The following ARHGAP44 variants were observed in gnomAD, a reference collection of about 807,000 sequenced individuals.
ARHGAP44 encodes the protein Rho GTPase activating protein 44, also known as rho GTPase-activating protein 44.
Under a neutral mutation model 106.8 loss-of-function variants are expected in ARHGAP44, and 43 were observed. The ratio of observed to expected loss-of-function variants is 0.40; its 90% CI spans 0.32 to 0.52. ARHGAP44 has a LOEUF of 0.52. Ranked by LOEUF, ARHGAP44 falls within the 20% of genes least tolerant of loss-of-function variation. ARHGAP44 has a pLI of 0.48. For missense variants in ARHGAP44, 866 were observed against 1,050.5 expected (o/e 0.82, Z 2.43); for synonymous variants, 439 against 410.3 (o/e 1.07, Z -0.85).
At chr17:12,974,048 TGTTACGC>T (rs1215501798) in intron 17 of ARHGAP44, 34 bp from the exon 18 acceptor site, 1 of 1,538,652 alleles carries the variant, frequency 6.5e-7, no homozygotes, top group East Asian at 2.5e-5. Context: ...TCCTGTCATC[TGTTACGC>T]GTGGGTAAGC....
chr17:12,856,516 A>G (rs868620221), intron 1 of ARHGAP44, among the ~76,000 whole-genome samples: 10 of 152,218 alleles, frequency 6.6e-5, no homozygotes, highest in African/African-American at 2.4e-4. Context: ...CAATTGTGAA[A>G]TAAGGGAAGT....
intron 1 of ARHGAP44, among the ~76,000 whole-genome samples, chr17:12,805,356 G>T (rs2034240881): frequency 6.6e-6 from 1 of 152,162 alleles, no homozygotes; most frequent in Admixed American, 6.5e-5. Flanking sequence ...GCATAAGCAG[G>T]TCTTTATCAA....
intron 1 of ARHGAP44, among the ~76,000 whole-genome samples, chr17:12,870,321 TAC>T (rs1310992448): frequency 2.0e-5 from 3 of 152,096 alleles, no homozygotes; most frequent in Non-Finnish European, 4.4e-5. Context: ...GGATTACAGG[TAC>T]AAGCCACTGT....
Position 12,949,863 on chromosome 17 carries a change from C to T in ARHGAP44, c.1055+133C>T. The T allele has an allele frequency of 1.2e-6, 1 of 852,228 alleles. No homozygotes were observed. Among genetic ancestry groups the T allele is most frequent in the Non-Finnish European group, 1.8e-6 (1 of 552,420 alleles). 52.8% of individuals were successfully genotyped at this position (852,228 alleles called of 1,614,324 possible). A position where few individuals can be genotyped will look rare whatever the true frequency, so the allele number is the denominator to read the frequency against. On this transcript the variant is annotated intron_variant, in intron 12 of 20. Coordinates refer to ENST00000379672, the MANE Select transcript of ARHGAP44 (RefSeq NM_014859.6). The surrounding 1 kb of genome is among the most constrained non-coding windows in gnomAD (Gnocchi z 4.1). ...TCTCTGCCATGAAGGAGTGCTTATA[C>T]ATTTGCCCAAGGAGGCAGGTCCAGG... is the stretch of plus-strand genomic sequence containing the variant.
At chr17:12,955,636 A>G in intron 13 of ARHGAP44, 1 of 445,000 alleles carries the variant, frequency 2.2e-6, no homozygotes, top group East Asian at 4.3e-5. Flanking sequence ...GGCCAGTGTT[A>G]GTTGAAGCAG....
intron 1 of ARHGAP44, among the ~76,000 whole-genome samples, chr17:12,799,766 A>AT (rs1188849453): frequency 6.6e-6 from 1 of 152,116 alleles, no homozygotes; most frequent in Non-Finnish European, 1.5e-5. Flanking sequence ...AGTAGCTGAG[A>AT]TTACAGGCAG....
intron 1 of ARHGAP44, among the ~76,000 whole-genome samples, chr17:12,858,116 G>A (rs968176050): frequency 1.3e-5 from 2 of 152,198 alleles, no homozygotes; most frequent in African/African-American, 4.8e-5. Flanking sequence ...CAAGTCTGTA[G>A]TAAGCCTTTG....
chr17:12,944,221 C>T (rs370513032), intron 10 of ARHGAP44, 25 bp downstream of exon 10: 25 of 1,570,822 alleles, frequency 1.6e-5, no homozygotes, highest in South Asian at 6.9e-5. Flanking sequence ...AGCCACACGC[C>T]GCCCCGGGCA....
chr17:12,938,464 C>A (rs1428917279), intron 7 of ARHGAP44, among the ~76,000 whole-genome samples: 3 of 151,674 alleles, frequency 2.0e-5, no homozygotes, highest in Non-Finnish European at 4.4e-5. Flanking sequence ...AAAAGACATT[C>A]CAGCATGAAG....
chr17:12,875,596 A>G (rs527568583), intron 1 of ARHGAP44, among the ~76,000 whole-genome samples: 2 of 149,594 alleles, frequency 1.3e-5, no homozygotes, highest in African/African-American at 5.1e-5. Flanking sequence ...TATCTCAAAA[A>G]TAAATAAATA....
At position 12,974,229 on chromosome 17, in the gene ARHGAP44, C is replaced by T. The variant is rs537352950; in HGVS notation, c.1682C>T (p.Pro561Leu). The change falls in exon 18 of 21, where the codon CCG (proline) becomes CTG (leucine). Residue 561 changes from proline (P) to leucine (L), a missense_variant. This residue lies in a region of ARHGAP44 where 418 missense variants were observed against 403.6 expected (regional missense o/e 1.04). Transcript: ENST00000379672. ...ELAAPLPSPLPEQPLDSPAAP... is the reference protein window; with the variant it reads ...ELAAPLPSPLLEQPLDSPAAP... The stretch of plus-strand genomic sequence containing the variant: ...GCTGCGCCCCTGCCTTCGCCGCTGC[C>T]GGAGCAGCCCCTGGACAGCCCCGCG... The T allele has an allele frequency of 2.6e-6, 4 of 1,545,858 alleles. No homozygotes were observed. Among genetic ancestry groups the T allele is most frequent in the East Asian group, 2.5e-5 (1 of 40,796 alleles).
intron 1 of ARHGAP44, among the ~76,000 whole-genome samples, chr17:12,891,251 A>G (rs917862885): frequency 6.6e-6 from 1 of 152,150 alleles, no homozygotes; most frequent in Non-Finnish European, 1.5e-5. Flanking sequence ...AATTGTAGGT[A>G]TTTGTTATAG....
At chr17:12,837,382 T>G (rs556270172) in intron 1 of ARHGAP44, among the ~76,000 whole-genome samples, 1 of 152,256 alleles carries the variant, frequency 6.6e-6, no homozygotes, top group South Asian at 2.1e-4. Context: ...ATGTAACCCA[T>G]AAGTATATGC....
intron 17 of ARHGAP44, 77 bp from the exon 18 acceptor site, chr17:12,974,012 C>G: frequency 6.9e-7 from 1 of 1,445,316 alleles, no homozygotes; most frequent in South Asian, 1.2e-5. Flanking sequence ...CGCGGACCTG[C>G]TTGAATGTGG....
chr17:12,829,509 C>T (rs970595430), intron 1 of ARHGAP44, among the ~76,000 whole-genome samples: 2 of 152,124 alleles, frequency 1.3e-5, no homozygotes, highest in African/African-American at 4.8e-5. Flanking sequence ...GACCTCTCTG[C>T]ACCTCCTCAT....
intron 1 of ARHGAP44, among the ~76,000 whole-genome samples, chr17:12,813,973 C>G (rs952873027): frequency 6.6e-6 from 1 of 152,182 alleles, no homozygotes; most frequent in Non-Finnish European, 1.5e-5. Context: ...GAGATTTCAT[C>G]TAAATATTCA....
At chr17:12,954,862 A>G (rs2039088946) in intron 13 of ARHGAP44, among the ~76,000 whole-genome samples, 1 of 152,164 alleles carries the variant, frequency 6.6e-6, no homozygotes. Flanking sequence ...TAACTTTATT[A>G]AGCTATGATT....
intron 3 of ARHGAP44, among the ~76,000 whole-genome samples, chr17:12,904,355 G>A (rs969431019): frequency 2.6e-5 from 4 of 152,074 alleles, no homozygotes; most frequent in East Asian, 1.9e-4. Flanking sequence ...ATCTGCCCAC[G>A]TTGGCCTCCC....
At chr17:12,942,062 T>G (rs2038725223) in intron 8 of ARHGAP44, among the ~76,000 whole-genome samples, 1 of 152,228 alleles carries the variant, frequency 6.6e-6, no homozygotes, top group Non-Finnish European at 1.5e-5. Context: ...ATTTCATTAG[T>G]GGTTCAGAAT....
Sources: allele counts gnomAD v4.1 joint callset (sites outside exome capture counted in the v4.1 genomes callset), GRCh38; gene constraint gnomAD v4.1.1; regional missense constraint gnomAD v4.1.1; non-coding constraint Gnocchi (gnomAD v3.1); transcripts MANE v1.5; gene names NCBI Gene and HGNC (gene_info 2026-07-23, HGNC 2026-07-21).